Variants in GNG12 observed in about 807,000 individuals in gnomAD.
GNG12 encodes G protein subunit gamma 12, also known as guanine nucleotide-binding protein G(I)/G(S)/G(O) subunit gamma-12.
For synonymous variants in GNG12, 28 were observed against 29.7 expected, an observed-to-expected ratio of 0.94 and a Z score of 0.19; for missense variants, 69 against 83.8, an observed-to-expected ratio of 0.82 and a Z score of 0.69.
chr1:67,729,629 CTCTAT>C (rs1182435459), intron 2 of GNG12, among the ~76,000 whole-genome samples: 5 of 152,158 alleles, frequency 3.3e-5, no homozygotes, highest in Non-Finnish European at 7.3e-5. Flanking sequence ...TTCCCTTGTG[CTCTAT>C]TCTAAGGCTT....
In GNG12 at chr1:67,765,878, G is replaced by A. The variant is rs548469803; in HGVS notation, c.-27+11580C>T. On this transcript the variant is annotated intron_variant, in intron 2 of 3. Coordinates refer to ENST00000370982, the MANE Select transcript of GNG12 (RefSeq NM_018841.6). ...CTGCTTTCTAGTGGGCTTTACGTCT[G>A]CCACAACCCCAAGGAGTGAAAGGAA... Among the ~76,000 whole-genome samples, 7 of 152,070 alleles carry A rather than the reference G, an allele frequency of 4.6e-5. No individual in the cohort carries two copies. In the East Asian group the frequency reaches 1.3e-3, roughly 29 times the overall value.
rs570112412 is a variant in GNG12, at chr1:67,765,357, T to C, written c.-27+12101A>G. Among the ~76,000 whole-genome samples the C allele has an allele frequency of 9.8e-5, 15 of 152,312 alleles. No individual in the cohort carries two copies. In the East Asian group the frequency reaches 2.9e-3, roughly 29 times the overall value. Reference sequence around the variant, plus strand: ...TACTAATATAAACACTATGATTGTATATTGCACTTGAGGGATGAAGATCTA... The same window carrying C: ...TACTAATATAAACACTATGATTGTACATTGCACTTGAGGGATGAAGATCTA... On this transcript the variant is annotated intron_variant, in intron 2 of 3. Coordinates refer to ENST00000370982, the MANE Select transcript of GNG12 (RefSeq NM_018841.6).
At chr1:67,776,663 C>A (rs1461814472) in intron 2 of GNG12, among the ~76,000 whole-genome samples, 1 of 152,150 alleles carries the variant, frequency 6.6e-6, no homozygotes, top group East Asian at 1.9e-4. Flanking sequence ...TGACATGGAA[C>A]TGCAGCTACC....
At chr1:67,812,398 G>A (rs2100810766) in intron 1 of GNG12, among the ~76,000 whole-genome samples, 1 of 152,308 alleles carries the variant, frequency 6.6e-6, no homozygotes, top group African/African-American at 2.4e-5. Flanking sequence ...AGGACACTGA[G>A]GTATGGGCAG....
chr1:67,707,256 G>T (rs963965534), intron 3 of GNG12, among the ~76,000 whole-genome samples: 11 of 152,196 alleles, frequency 7.2e-5, no homozygotes, highest in Non-Finnish European at 1.3e-4. Flanking sequence ...AAATTCCAAA[G>T]GAATGACTAG....
chr1:67,766,112 A>ACG (rs933973188), intron 2 of GNG12, among the ~76,000 whole-genome samples: 3 of 47,744 alleles, frequency 6.3e-5, no homozygotes, highest in African/African-American at 2.5e-4. Context: ...ACACGCACAC[A>ACG]CACACACACA....
chr1:67,832,915 A>G (rs1647057223), intron 1 of GNG12, among the ~76,000 whole-genome samples: 1 of 152,162 alleles, frequency 6.6e-6, no homozygotes, highest in Admixed American at 6.5e-5. Context: ...GGCTGGGAAC[A>G]CTGGGGGCCT....
chr1:67,798,188 G>A (rs139772725), intron 1 of GNG12, among the ~76,000 whole-genome samples: 18 of 152,304 alleles, frequency 1.2e-4, no homozygotes, highest in East Asian at 3.9e-4. Flanking sequence ...TGAGGTGAGC[G>A]GCAGGAAGCG....
At chr1:67,791,093 A>G (rs1479794197) in intron 1 of GNG12, among the ~76,000 whole-genome samples, 3 of 152,306 alleles carry the variant, frequency 2.0e-5, no homozygotes, top group East Asian at 3.9e-4. Context: ...GTTAATTCTG[A>G]AATTCAGTTC....
intron 1 of GNG12, among the ~76,000 whole-genome samples, chr1:67,807,473 C>CA (rs1324827159): frequency 1.7e-4 from 25 of 145,630 alleles, no homozygotes; most frequent in Non-Finnish European, 2.3e-4. Flanking sequence ...AAAATCAAAG[C>CA]AAAAAAAATC....
chr1:67,831,159 C>T lies in GNG12; in HGVS notation c.-77+2185G>A, dbSNP rs140830759. On this transcript the variant is annotated intron_variant, in intron 1 of 3. Transcript: ENST00000370982. ...AAAATTTACTTGCTTTCACAACTTGCCTTCCTAGGTTAAGCTTAAGCTGAC... is the reference window on the plus strand; with the variant it reads ...AAAATTTACTTGCTTTCACAACTTGTCTTCCTAGGTTAAGCTTAAGCTGAC... Among the ~76,000 whole-genome samples the T allele has an allele frequency of 3.2e-4, 49 of 152,294 alleles. No homozygotes were observed. The East Asian group carries it at 8.7e-3, about 27-fold the overall frequency.
At chr1:67,750,649 G>C (rs1215058118) in intron 2 of GNG12, among the ~76,000 whole-genome samples, 1 of 152,162 alleles carries the variant, frequency 6.6e-6, no homozygotes, top group East Asian at 1.9e-4. Flanking sequence ...TCAAAAGTTG[G>C]TTTCAAAGAA....
Position 67,704,341 on chromosome 1 carries a change from C to T in GNG12, c.*1110G>A, listed in dbSNP as rs543738243. ...CATTTTTTTTTTAATTTTTTTTTTC[C>T]TCACCGTATTCCACATACCTGTGGC... On this transcript the variant is annotated 3_prime_UTR_variant, in exon 4 of 4. Transcript: ENST00000370982. 6 of 151,558 alleles carry T rather than the reference C, an allele frequency of 4.0e-5. No individual in the cohort carries two copies. The highest frequency in any genetic ancestry group is 2.0e-4 in the Admixed American group (3 of 15,236). The allele number at this position is 151,558 out of a possible 1,614,324, so 9.4% of individuals were successfully genotyped here.
chr1:67,781,488 A>G (rs1477027369), intron 1 of GNG12, among the ~76,000 whole-genome samples: 2 of 152,182 alleles, frequency 1.3e-5, no homozygotes, highest in Non-Finnish European at 2.9e-5. Flanking sequence ...GTAATCGGGG[A>G]CAGCAAACAA....
chr1:67,748,792 T>C (rs765040877), intron 2 of GNG12, among the ~76,000 whole-genome samples: 2 of 152,214 alleles, frequency 1.3e-5, no homozygotes, highest in African/African-American at 4.8e-5. Context: ...ATCATTAACA[T>C]GCTACTTTTG....
chr1:67,787,223 C>T (rs923955817), intron 1 of GNG12, among the ~76,000 whole-genome samples: 4 of 151,900 alleles, frequency 2.6e-5, no homozygotes, highest in African/African-American at 9.7e-5. Flanking sequence ...TCATAGAAGG[C>T]TTCCAGGAGG....
At chr1:67,733,187 G>C (rs552567) in intron 2 of GNG12, among the ~76,000 whole-genome samples, 110,043 of 151,542 alleles carry the variant, frequency 0.73, 40,165 homozygotes, top group African/African-American at 0.81. Context: ...GCAACAACAT[G>C]TATCACAAGC....
At chr1:67,773,300 A>G (rs995226720) in intron 2 of GNG12, among the ~76,000 whole-genome samples, 27 of 152,174 alleles carry the variant, frequency 1.8e-4, no homozygotes, top group Non-Finnish European at 1.5e-5. Context: ...TCTCGGCACC[A>G]ATGGTTCATC....
chr1:67,705,624 GCA>G lies in GNG12; in HGVS notation c.94-50_94-49del. 6 of 1,584,326 alleles carry G rather than the reference GCA, an allele frequency of 3.8e-6. No individual in the cohort carries two copies. The South Asian group carries it at 5.8e-5, about 15-fold the overall frequency. On this transcript the variant is annotated intron_variant, in intron 3 of 3. Coordinates refer to ENST00000370982, the MANE Select transcript of GNG12 (RefSeq NM_018841.6). ...AAACAAGAAAGAAAATATTTTACTT[GCA>G]CACTTTCAGAGCGTATTTGAATGCT...
Sources: gnomAD v4.1 joint callset for allele counts (sites outside exome capture counted in the v4.1 genomes callset) on GRCh38, gnomAD v4.1.1 for gene constraint, MANE v1.5 for transcripts, NCBI Gene and HGNC (gene_info 2026-07-23, HGNC 2026-07-21) for gene names.